Variants in FBXL22 observed in about 807,000 individuals in gnomAD.
FBXL22 encodes the protein F-box and leucine-rich protein 22.
Under a neutral mutation model 11.7 loss-of-function variants are expected in FBXL22, and 13 were observed. The ratio of observed to expected loss-of-function variants is 1.11; its 90% CI spans 0.73 to 1.77. The LOEUF (loss-of-function observed/expected upper bound fraction) is 1.77, where lower values mean the gene tolerates loss of function less well. Ranked by LOEUF, FBXL22 falls within the 40% of genes most tolerant of loss-of-function variation. The pLI is 0.00. For missense variants in FBXL22, 406 were observed against 320.4 expected (o/e 1.27, Z -2.04); for synonymous variants, 160 against 144.1 (o/e 1.11, Z -0.79).
intron 1 of FBXL22, chr15:63,600,082 C>T: frequency 1.0e-6 from 1 of 985,772 alleles, no homozygotes; most frequent in Non-Finnish European, 1.2e-6. Flanking sequence ...CAGGGCTTGC[C>T]TCTAGCTGCC....
chr15:63,600,173 A>G (rs2067344019), intron 1 of FBXL22: 8 of 985,768 alleles, frequency 8.1e-6, no homozygotes, highest in Non-Finnish European at 9.6e-6. Context: ...CCCGGACTCA[A>G]TGCTAACGCG....
chr15:63,607,445 A>G, the FBXL22 span, among the ~76,000 whole-genome samples: 21 of 152,170 alleles, frequency 1.4e-4, no homozygotes, highest in Admixed American at 2.6e-4. Context: ...GCGCTCTTAG[A>G]TCGGTATTAA....
downstream of FBXL22, among the ~76,000 whole-genome samples, chr15:63,603,819 G>A (rs1336318785): frequency 6.6e-6 from 1 of 152,188 alleles, no homozygotes; most frequent in Non-Finnish European, 1.5e-5. Flanking sequence ...TGGAGTGGCA[G>A]GACTCTGCTA....
In FBXL22 at chr15:63,600,773, T is replaced by A. The variant is rs1301640579; in HGVS notation, c.430T>A (p.Cys144Ser). The A allele has an allele frequency of 8.1e-7, 1 of 1,231,224 alleles. No homozygotes were observed. Among genetic ancestry groups the A allele is most frequent in the Non-Finnish European group, 1.0e-6 (1 of 987,692 alleles). 76.3% of individuals were successfully genotyped at this position (1,231,224 alleles called of 1,614,324 possible). ...CGACTGCCTGGCGCGCCTGCTGCGC[T>A]GCTGCCCACGCCTGCGCGCACTGCG... ...TDDCLARLLR[C>S]CPRLRALRLE... Residue 144 changes from cysteine to serine, a missense_variant, in exon 2 of 2, where the codon TGC becomes AGC. Cys to Ser is a moderately radical substitution (Grantham distance 112). Coordinates refer to ENST00000638704, the MANE Select transcript of FBXL22 (RefSeq NM_001367807.1).
chr15:63,600,477 C>G (rs931733551), intron 1 of FBXL22: 1 of 1,222,500 alleles, frequency 8.2e-7, no homozygotes, highest in East Asian at 3.2e-5. Flanking sequence ...GAGCCAAGAA[C>G]CCACGCAGAT....
chr15:63,601,336 G>A (rs2067368040), downstream of FBXL22: 2 of 1,602,336 alleles, frequency 1.2e-6, no homozygotes, highest in Non-Finnish European at 8.5e-7. Context: ...GGAGGCGCCT[G>A]CACCGTCCTC....
chr15:63,604,725 G>A (rs10438347), downstream of FBXL22, among the ~76,000 whole-genome samples: 21,577 of 152,162 alleles, frequency 0.14, 2,076 homozygotes, highest in Middle Eastern at 0.21. Context: ...TCCAGGGAGG[G>A]CATGGAATCT....
chr15:63,597,545 G>A lies in FBXL22; in HGVS notation c.153G>A (p.Leu51=), dbSNP rs751584692. The change falls in exon 1 of 2, where the codon CTG becomes CTA. Residue 51 remains leucine, a synonymous_variant. Coordinates refer to ENST00000638704, the MANE Select transcript of FBXL22 (RefSeq NM_001367807.1). The surrounding 1 kb of genome is among the most constrained non-coding windows in gnomAD (Gnocchi z 4.3). ...TTGAGGACCCCGCACTCTGGTCCCTGCTGCACTTCCGTTCCCTCACTGAAC... is the reference window on the plus strand; with the variant it reads ...TTGAGGACCCCGCACTCTGGTCCCTACTGCACTTCCGTTCCCTCACTGAAC... ...DVFEDPALWS[L]LHFRSLTELQ... is the part of the protein sequence containing the mutation. 4.3e-6 allele frequency: 7 copies of A among 1,614,146 alleles called. No individual in the cohort carries two copies. The highest frequency in any genetic ancestry group is 5.9e-6 in the Non-Finnish European group (7 of 1,180,034).
In FBXL22 at chr15:63,597,781, G is replaced by A. The variant is rs781085089; in HGVS notation, c.353+36G>A. 1.3e-5 allele frequency: 20 copies of A among 1,516,654 alleles called. No homozygotes were observed. The East Asian group carries it at 2.3e-4, about 17-fold the overall frequency. 93.9% of individuals were successfully genotyped at this position (1,516,654 alleles called of 1,614,324 possible). A position where few individuals can be genotyped will look rare whatever the true frequency, so the allele number is the denominator to read the frequency against. ...TTGCCTCCTGAGCAGTGCTGGCCCC[G>A]CTAGCTCTGGCTTCCCTCTTGGGGG... On this transcript the variant is annotated intron_variant, in intron 1 of 1. Coordinates refer to ENST00000638704, the MANE Select transcript of FBXL22 (RefSeq NM_001367807.1). The surrounding 1 kb of genome is among the most constrained non-coding windows in gnomAD (Gnocchi z 4.3).
chr15:63,605,233 G>C (rs2067407563), downstream of FBXL22, among the ~76,000 whole-genome samples: 1 of 152,236 alleles, frequency 6.6e-6, no homozygotes, highest in African/African-American at 2.4e-5. Flanking sequence ...GCCCTAGTTA[G>C]AAGACATGCA....
chr15:63,599,527 A>G, intron 1 of FBXL22: 1 of 1,111,396 alleles, frequency 9.0e-7, no homozygotes, highest in Non-Finnish European at 1.1e-6. Context: ...CATGTACAAA[A>G]CTGGGGGTGC....
intron 1 of FBXL22, chr15:63,600,245 T>C (rs1203616015): frequency 3.0e-6 from 3 of 990,230 alleles, no homozygotes; most frequent in Non-Finnish European, 3.6e-6. Context: ...AGGAAACAAA[T>C]CCCTCTTCCC....
chr15:63,600,980 G>T lies in FBXL22; in HGVS notation c.637G>T (p.Asp213Tyr), dbSNP rs1264848112. 5 of 1,192,584 alleles carry T rather than the reference G, an allele frequency of 4.2e-6. No homozygotes were observed. Among genetic ancestry groups the T allele is most frequent in the Middle Eastern group, 3.3e-4 (1 of 3,010 alleles). 73.9% of individuals were successfully genotyped at this position (1,192,584 alleles called of 1,614,324 possible). ...AGAGCACAGCGCCGCCATGCTGCCCGACCAGCCCCCGCGCCCGCGCGCGCC... is the reference window on the plus strand; with the variant it reads ...AGAGCACAGCGCCGCCATGCTGCCCTACCAGCCCCCGCGCCCGCGCGCGCC... ...RAEHSAAMLPDQPPRPRAPAA... is the reference protein window; with the variant it reads ...RAEHSAAMLPYQPPRPRAPAA... The change falls in exon 2 of 2, where the codon GAC (aspartate) becomes TAC (tyrosine). Residue 213 changes from aspartate (D) to tyrosine (Y), a missense_variant. Transcript: ENST00000638704.
the FBXL22 span, among the ~76,000 whole-genome samples, chr15:63,608,067 C>T: frequency 1.3e-5 from 2 of 152,262 alleles, no homozygotes; most frequent in Non-Finnish European, 2.9e-5. Flanking sequence ...CACACATTCA[C>T]TCACTCATTC....
chr15:63,598,147 G>A (rs1286191573), intron 1 of FBXL22, among the ~76,000 whole-genome samples: 4 of 152,136 alleles, frequency 2.6e-5, no homozygotes, highest in African/African-American at 7.2e-5. Context: ...GGGAAACTAC[G>A]GAGGAAAGAG....
Position 63,597,402 on chromosome 15 carries a change from C to T in FBXL22, c.10C>T (p.Leu4=), listed in dbSNP as rs1032762748. MWP[L]LTMHITQLNR... is the part of the protein sequence containing the mutation. Reference sequence around the variant, plus strand: ...CTGCAGCTGCACTCACATGTGGCCACTGCTCACCATGCACATAACCCAGCT... The same window carrying T: ...CTGCAGCTGCACTCACATGTGGCCATTGCTCACCATGCACATAACCCAGCT... The change falls in exon 1 of 2, where the codon CTG becomes TTG. Residue 4 remains leucine (L), a synonymous_variant. Transcript: ENST00000638704. The surrounding 1 kb of genome is among the most constrained non-coding windows in gnomAD (Gnocchi z 4.3). 2 of 1,608,506 alleles carry T rather than the reference C, an allele frequency of 1.2e-6. No individual in the cohort carries two copies. Among genetic ancestry groups the T allele is most frequent in the Non-Finnish European group, 8.5e-7 (1 of 1,176,510 alleles).
At chr15:63,606,047 G>A (rs1184187598), downstream of FBXL22, among the ~76,000 whole-genome samples, 5 of 152,210 alleles carry the variant, frequency 3.3e-5, no homozygotes, top group Admixed American at 6.5e-5. Flanking sequence ...GAGGGGAAGT[G>A]ACTGAGCCAC....
At chr15:63,603,977 A>C (rs975546206), downstream of FBXL22, among the ~76,000 whole-genome samples, 56 of 152,286 alleles carry the variant, frequency 3.7e-4, no homozygotes, top group African/African-American at 1.3e-3. Context: ...AGGGGGTTGA[A>C]TGTTTGTCTA....
chr15:63,600,044 TG>T, intron 1 of FBXL22: 1 of 985,704 alleles, frequency 1.0e-6, no homozygotes, highest in Non-Finnish European at 1.2e-6. Context: ...CCAAGCGACC[TG>T]GGTGGGTGTC....
Sources: gnomAD v4.1 joint callset for allele counts (sites outside exome capture counted in the v4.1 genomes callset) on GRCh38, gnomAD v4.1.1 for gene constraint, Gnocchi (gnomAD v3.1) non-coding constraint, MANE v1.5 for transcripts, NCBI Gene and HGNC (gene_info 2026-07-23, HGNC 2026-07-21) for gene names.